Variants in IGF2R observed in about 807,000 individuals in gnomAD.
IGF2R encodes the protein insulin like growth factor 2 receptor, also known as cation-independent mannose-6-phosphate receptor.
In IGF2R, 91 loss-of-function variants were observed where a neutral mutation model predicts 270.6. That is an observed-to-expected ratio of 0.34 (90% CI 0.28 to 0.40). The LOEUF (loss-of-function observed/expected upper bound fraction) is 0.40. IGF2R is among the 10% of genes least tolerant of loss of function. IGF2R has a pLI of 1.00. For missense variants in IGF2R, 2,805 were observed against 3,188.3 expected, an observed-to-expected ratio of 0.88 and a Z score of 2.90; for synonymous variants, 1,316 against 1,258.9, an observed-to-expected ratio of 1.05 and a Z score of -0.96.
chr6:160,047,979 T>A, intron 17 of IGF2R, 72 bp downstream of exon 17: 1 of 1,000,306 alleles, frequency 1.0e-6, no homozygotes, highest in South Asian at 1.3e-5. Context: ...CTGGTGAGCG[T>A]GTGACTGAGC....
chr6:160,084,947 A>G lies in IGF2R; in HGVS notation c.6069-48A>G, dbSNP rs377240395. Reference sequence around the variant, plus strand: ...GAAGAGCCCTCCTGTGTCAGGGCAGAGACGTCACTTGCATGCCTTTTACCT... The same window carrying G: ...GAAGAGCCCTCCTGTGTCAGGGCAGGGACGTCACTTGCATGCCTTTTACCT... On this transcript the variant is annotated intron_variant, in intron 40 of 47. Transcript: ENST00000356956. The surrounding 1 kb of genome is among the most constrained non-coding windows in gnomAD (Gnocchi z 4.6). 3.8e-6 allele frequency: 6 copies of G among 1,585,326 alleles called. No homozygotes were observed. Among genetic ancestry groups the G allele is most frequent in the African/African-American group, 1.3e-5 (1 of 74,162 alleles).
chr6:160,059,848 CA>C (rs1778396057), intron 22 of IGF2R, among the ~76,000 whole-genome samples: 1 of 152,274 alleles, frequency 6.6e-6, no homozygotes, highest in Non-Finnish European at 1.5e-5. Context: ...AGCACAGCTG[CA>C]GGCAGGGGTT....
chr6:160,060,518 C>T, intron 22 of IGF2R, 29 bp from the exon 23 acceptor site: 3 of 1,612,360 alleles, frequency 1.9e-6, no homozygotes, highest in Non-Finnish European at 2.5e-6. Flanking sequence ...TGTTCTGTCT[C>T]TTAAAATCTG....
Position 160,111,163 on chromosome 6 carries a change from ATGT to A in IGF2R, c.*6083_*6085del, listed in dbSNP as rs569029470. The A allele has an allele frequency of 4.3e-4, 65 of 152,306 alleles. No homozygotes were observed. The highest frequency in any genetic ancestry group is 1.4e-3 in the African/African-American group (60 of 41,580). The allele number at this position is 152,306 out of a possible 1,614,324, so 9.4% of individuals were successfully genotyped here. ...GTAATGATAAGTATCTCAAAACATC[ATGT>A]TGTACAACATAAGTATACAATTGAC... On this transcript the variant is annotated 3_prime_UTR_variant, in exon 48 of 48. Transcript: ENST00000356956.
intron 45 of IGF2R, among the ~76,000 whole-genome samples, chr6:160,101,439 A>T (rs1779482355): frequency 6.6e-6 from 1 of 152,116 alleles, no homozygotes; most frequent in Admixed American, 6.5e-5. Flanking sequence ...GCCCACCTAG[A>T]ACTGGACGCC....
rs775183507 is a variant in IGF2R at position 160,080,086 on chromosome 6, C to T, written c.5687-43C>T. The T allele has an allele frequency of 3.1e-5, 50 of 1,603,384 alleles. 1 individual carries two copies. Among genetic ancestry groups the T allele is most frequent in the South Asian group, 1.2e-4 (11 of 89,824 alleles). On this transcript the variant is annotated intron_variant, in intron 38 of 47. Coordinates refer to ENST00000356956, the MANE Select transcript of IGF2R (RefSeq NM_000876.4). ...TGCATTCTGAGGTGATTGTGCCTGG[C>T]GAGGCACAGCTGCCACACTGATAAT...
Position 160,073,989 on chromosome 6 carries a change from A to C in IGF2R, c.5166+14A>C, listed in dbSNP as rs1311264437. Reference sequence around the variant, plus strand: ...GGTCCCCCCATAGTAAGTATGACAAATCCAAGGGTGGAGATAATTTTTGCA... The same window carrying C: ...GGTCCCCCCATAGTAAGTATGACAACTCCAAGGGTGGAGATAATTTTTGCA... On this transcript the variant is annotated intron_variant, in intron 35 of 47. Coordinates refer to ENST00000356956, the MANE Select transcript of IGF2R (RefSeq NM_000876.4). 2.5e-6 allele frequency: 4 copies of C among 1,586,966 alleles called. No homozygotes were observed. Among genetic ancestry groups the C allele is most frequent in the Middle Eastern group, 3.3e-4 (2 of 6,004 alleles).
chr6:160,045,996 CTGTT>C, intron 14 of IGF2R, 114 bp downstream of exon 14: 1 of 881,986 alleles, frequency 1.1e-6, no homozygotes, highest in Non-Finnish European at 1.7e-6. Context: ...TTTATTCATG[CTGTT>C]TGAACAAAAT....
chr6:160,031,604 GGA>G (rs1777698599), intron 7 of IGF2R, among the ~76,000 whole-genome samples: 1 of 151,928 alleles, frequency 6.6e-6, no homozygotes, highest in African/African-American at 2.4e-5. Context: ...TTTCTCTTAC[GGA>G]GCCCTGGGGT....
At position 160,043,099 on chromosome 6, in the gene IGF2R, GAGAAATC is replaced by G. The variant is rs1313774997; in HGVS notation, c.1481-46_1481-40del. 5 of 1,600,740 alleles carry G rather than the reference GAGAAATC, an allele frequency of 3.1e-6. No homozygotes were observed. The South Asian group carries it at 5.6e-5, about 18-fold the overall frequency. ...TAATCACTATTTATTCTGTGACTCAGAGAAATCAGCATTGCTTTTGGCTAAAATACAC... is the reference window on the plus strand; with the variant it reads ...TAATCACTATTTATTCTGTGACTCAGAGCATTGCTTTTGGCTAAAATACAC... On this transcript the variant is annotated intron_variant, in intron 11 of 47. Coordinates refer to ENST00000356956, the MANE Select transcript of IGF2R (RefSeq NM_000876.4).
chr6:159,994,411 T>G (rs1784021918), intron 2 of IGF2R, among the ~76,000 whole-genome samples: 1 of 152,110 alleles, frequency 6.6e-6, no homozygotes, highest in Admixed American at 6.5e-5. Context: ...TTTGTTTTGT[T>G]GATCCTTTGC....
intron 1 of IGF2R, among the ~76,000 whole-genome samples, chr6:159,982,980 A>G (rs1783828723): frequency 6.6e-6 from 1 of 152,232 alleles, no homozygotes; most frequent in South Asian, 2.1e-4. Flanking sequence ...GATGGCATAT[A>G]TGAAAACTCT....
intron 2 of IGF2R, among the ~76,000 whole-genome samples, chr6:160,002,717 A>G (rs1335116522): frequency 6.6e-6 from 1 of 152,162 alleles, no homozygotes; most frequent in African/African-American, 2.4e-5. Context: ...AATAATTCTT[A>G]TATATTTACT....
Position 160,078,200 on chromosome 6 carries a change from G to A in IGF2R, c.5317-1G>A. The A allele has an allele frequency of 6.2e-7, 1 of 1,614,042 alleles. No homozygotes were observed. The highest frequency in any genetic ancestry group is 8.5e-7 in the Non-Finnish European group (1 of 1,179,898). The stretch of plus-strand genomic sequence containing the variant: ...AAGACCCGTGCTCTTCCTGGCAACA[G>A]GGAACGCCTAAGCTGTTAAGGACCA... On this transcript the variant is annotated splice_acceptor_variant, in intron 36 of 47. Coordinates refer to ENST00000356956, the MANE Select transcript of IGF2R (RefSeq NM_000876.4). LOFTEE classifies it high-confidence loss of function.
At position 160,044,422 on chromosome 6, in the gene IGF2R, C is replaced by CTTTT. The variant is rs1338727274; in HGVS notation, c.1622-91_1622-90insTTTT. 1.1e-5 allele frequency: 13 copies of CTTTT among 1,133,644 alleles called. No homozygotes were observed. In the African/African-American group the frequency reaches 1.6e-4, roughly 14 times the overall value. 70.2% of individuals were successfully genotyped at this position (1,133,644 alleles called of 1,614,324 possible). A position where few individuals can be genotyped will look rare whatever the true frequency, so the allele number is the denominator to read the frequency against. ...TTTGGGCTGATTTCTTTCTTTCTTT[C>CTTTT]TCTTTCTTTCTTTTTTTTTTAAGTC... On this transcript the variant is annotated intron_variant, in intron 12 of 47. Coordinates refer to ENST00000356956, the MANE Select transcript of IGF2R (RefSeq NM_000876.4).
chr6:160,104,747 G>A lies in IGF2R; in HGVS notation c.7139G>A (p.Arg2380Gln), dbSNP rs756353602. 1.1e-5 allele frequency: 17 copies of A among 1,613,944 alleles called. No homozygotes were observed. Among genetic ancestry groups the A allele is most frequent in the Middle Eastern group, 1.6e-4 (1 of 6,084 alleles). ...LMEEIQLPPP[R>Q]QGKEGQENGH... The stretch of plus-strand genomic sequence containing the variant: ...GAAGAGATCCAGCTGCCTCCTCCAC[G>A]GCAGGGAAAGGAAGGGCAGGAGAAC... The change falls in exon 48 of 48, where the codon CGG (arginine) becomes CAG (glutamine). Residue 2380 changes from arginine to glutamine, a missense_variant. Arg to Gln is a conservative substitution (Grantham distance 43). Transcript: ENST00000356956.
chr6:160,000,265 G>T (rs1303669363), intron 2 of IGF2R, among the ~76,000 whole-genome samples: 1 of 152,180 alleles, frequency 6.6e-6, no homozygotes, highest in Non-Finnish European at 1.5e-5. Context: ...AGCATGGCTG[G>T]GGAGGCCTCA....
chr6:160,093,609 A>T, intron 44 of IGF2R: 1 of 703,136 alleles, frequency 1.4e-6, no homozygotes, highest in Non-Finnish European at 2.7e-6. Context: ...TGGATCATCA[A>T]TGCCTTCCTT....
In IGF2R at chr6:160,047,833, C is replaced by T; in HGVS notation, c.2271C>T (p.Ser757=). 1 of 1,614,106 alleles carries T rather than the reference C, an allele frequency of 6.2e-7. No individual in the cohort carries two copies. The highest frequency in any genetic ancestry group is 8.5e-7 in the Non-Finnish European group (1 of 1,179,916). ...NSTYNFRWYT[S]YACPEEPLEC... ...CCTACAACTTCCGGTGGTACACCAG[C>T]TATGCCTGCCCGGAGGAGCCCCTGG... Residue 757 remains serine (S), a synonymous_variant, in exon 17 of 48, where the codon AGC becomes AGT. Transcript: ENST00000356956.
Sources: allele counts gnomAD v4.1 joint callset (sites outside exome capture counted in the v4.1 genomes callset), GRCh38; gene constraint gnomAD v4.1.1; non-coding constraint Gnocchi (gnomAD v3.1); transcripts MANE v1.5; gene names NCBI Gene and HGNC (gene_info 2026-07-23, HGNC 2026-07-21).